PTGR1: variants seen among roughly 807,000 people sequenced by gnomAD.
PTGR1 encodes prostaglandin reductase 1, also known as 15-oxoprostaglandin 13-reductase.
PTGR1 carries 23 observed loss-of-function variants against 37.7 expected under a neutral mutation model. The observed-to-expected ratio is 0.61, with a 90% CI of 0.44 to 0.86. The LOEUF (loss-of-function observed/expected upper bound fraction) is 0.86, where lower values mean the gene tolerates loss of function less well. Among genes scored for constraint, PTGR1 ranks in the 40% least tolerant of loss-of-function variants. The pLI is 0.00. For missense variants in PTGR1, 351 were observed against 394.3 expected (o/e 0.89, Z 0.93); for synonymous variants, 134 against 140.0 (o/e 0.96, Z 0.30).
downstream of PTGR1, among the ~76,000 whole-genome samples, chr9:111,559,293 C>T (rs1828208489): frequency 6.6e-6 from 1 of 152,128 alleles, no homozygotes; most frequent in South Asian, 2.1e-4. Flanking sequence ...AACTCCATGC[C>T]AAGCTGCCCC....
chr9:111,576,324 C>T (rs1217303204), intron 7 of PTGR1: 1 of 1,609,950 alleles, frequency 6.2e-7, no homozygotes, highest in East Asian at 2.2e-5. Flanking sequence ...TATTTGTAAC[C>T]TCAAACCAGT....
At chr9:111,580,126 GA>G (rs747471535) in intron 6 of PTGR1, among the ~76,000 whole-genome samples, 1 of 151,830 alleles carries the variant, frequency 6.6e-6, no homozygotes, top group Non-Finnish European at 1.5e-5. Flanking sequence ...TCACTCTTAT[GA>G]CCTCCTTTAT....
At chr9:111,552,454 A>ATT in intron 9 of PTGR1, among the ~76,000 whole-genome samples, 1 of 152,254 alleles carries the variant, frequency 6.6e-6, no homozygotes, top group East Asian at 1.9e-4. Context: ...GCAATGAGGG[A>ATT]AAAGTTATCC....
chr9:111,569,850 A>T, intron 9 of PTGR1: 1 of 550,324 alleles, frequency 1.8e-6, no homozygotes, highest in South Asian at 2.1e-5. Context: ...TTTTGTTATA[A>T]AAGGGAGAGA....
chr9:111,567,984 GT>G (rs1564611952), intron 9 of PTGR1, among the ~76,000 whole-genome samples: 2 of 152,210 alleles, frequency 1.3e-5, no homozygotes, highest in Admixed American at 6.5e-5. Context: ...AGCTGAGGAT[GT>G]ATGTCACCTC....
intron 2 of PTGR1, among the ~76,000 whole-genome samples, chr9:111,596,737 G>A (rs916206926): frequency 6.6e-6 from 1 of 151,688 alleles, no homozygotes; most frequent in African/African-American, 2.4e-5. Context: ...AATCCAGCCT[G>A]GGTGACAGAG....
At position 111,585,095 on chromosome 9, in the gene PTGR1, C is replaced by T. The variant is rs1285036920; in HGVS notation, c.377+903G>A. Among the ~76,000 whole-genome samples, 3 of 152,050 alleles carry T rather than the reference C, an allele frequency of 2.0e-5. No homozygotes were observed. In the East Asian group the frequency reaches 5.8e-4, roughly 29 times the overall value. On this transcript the variant is annotated intron_variant, in intron 5 of 9. Coordinates refer to ENST00000407693, the MANE Select transcript of PTGR1 (RefSeq NM_001146108.2). The stretch of plus-strand genomic sequence containing the variant: ...ACATGTTGACATTACTTAGCTTACA[C>T]AGCCTCTGACTATATTTGGGGCCCA...
intron 7 of PTGR1, 136 bp downstream of exon 7, chr9:111,578,660 C>T (rs1029825298): frequency 8.7e-6 from 6 of 693,062 alleles, no homozygotes; most frequent in African/African-American, 7.4e-5. Flanking sequence ...TGCTCACCTG[C>T]CCCTCACCTC....
intron 9 of PTGR1, among the ~76,000 whole-genome samples, chr9:111,564,624 T>C (rs749938109): frequency 1.3e-5 from 2 of 151,896 alleles, no homozygotes; most frequent in Non-Finnish European, 2.9e-5. Flanking sequence ...AACTTTTGAC[T>C]TGAAAGCCCC....
downstream of PTGR1, among the ~76,000 whole-genome samples, chr9:111,558,891 T>C (rs1200384481): frequency 6.6e-6 from 1 of 152,188 alleles, no homozygotes; most frequent in Non-Finnish European, 1.5e-5. Context: ...GCTTCCCTTA[T>C]CTTTAATTTA....
intron 5 of PTGR1, among the ~76,000 whole-genome samples, 179 bp downstream of exon 5, chr9:111,585,819 A>G (rs1236824683): frequency 2.0e-5 from 3 of 152,280 alleles, no homozygotes; most frequent in East Asian, 1.9e-4. Context: ...TTCTTTATCC[A>G]TTCACCCATT....
At chr9:111,569,330 A>C (rs1028049213) in intron 9 of PTGR1, among the ~76,000 whole-genome samples, 5 of 152,298 alleles carry the variant, frequency 3.3e-5, no homozygotes, top group Admixed American at 3.3e-4. Context: ...TCTGAGGAGG[A>C]CCAATCAGTG....
chr9:111,551,520 G>C (rs1444154887), intron 9 of PTGR1, among the ~76,000 whole-genome samples: 1 of 143,148 alleles, frequency 7.0e-6, no homozygotes, highest in African/African-American at 2.6e-5. Flanking sequence ...CAATTCTCCT[G>C]CTTCAGCCTC....
chr9:111,591,019 C>T (rs1261548269), intron 4 of PTGR1, among the ~76,000 whole-genome samples: 5 of 152,062 alleles, frequency 3.3e-5, no homozygotes, highest in Admixed American at 6.6e-5. Flanking sequence ...AGGCCGGGCA[C>T]GGTGGCTCAT....
At chr9:111,585,871 T>G (rs1829414217) in intron 5 of PTGR1, 127 bp downstream of exon 5, 5 of 1,080,968 alleles carry the variant, frequency 4.6e-6, no homozygotes, top group Non-Finnish European at 6.6e-6. Flanking sequence ...TCCTGCCCTC[T>G]TCTCTGATCA....
chr9:111,551,688 C>T (rs1035172881), intron 9 of PTGR1, among the ~76,000 whole-genome samples: 12 of 152,006 alleles, frequency 7.9e-5, no homozygotes, highest in Non-Finnish European at 1.8e-4. Flanking sequence ...AGGTGTGAAC[C>T]GCCACACACA....
intron 5 of PTGR1, among the ~76,000 whole-genome samples, chr9:111,585,081 T>C (rs1829391537): frequency 6.6e-6 from 1 of 152,146 alleles, no homozygotes. Flanking sequence ...CATGTTGACA[T>C]TACTTAGCTT....
At chr9:111,557,189 C>T (rs558695237) in intron 9 of PTGR1, among the ~76,000 whole-genome samples, 10 of 152,004 alleles carry the variant, frequency 6.6e-5, no homozygotes, top group Non-Finnish European at 1.5e-4. Context: ...GAATGGCTAA[C>T]GGGGTGAAAC....
chr9:111,585,910 CTTCCTGTTGACCAAG>C (rs1348593932), intron 5 of PTGR1, 73 bp downstream of exon 5: 4 of 1,475,530 alleles, frequency 2.7e-6, no homozygotes, highest in Middle Eastern at 1.8e-4. Flanking sequence ...CATCAAATAT[CTTCCTGTTGACCAAG>C]TTCTGAACAA....
Sources: allele counts gnomAD v4.1 joint callset (sites outside exome capture counted in the v4.1 genomes callset), GRCh38; gene constraint gnomAD v4.1.1; transcripts MANE v1.5; gene names NCBI Gene and HGNC (gene_info 2026-07-23, HGNC 2026-07-21).